The following ENPP1 variants were observed in gnomAD, a reference collection of about 807,000 sequenced individuals.
ENPP1 encodes the protein ectonucleotide pyrophosphatase/phosphodiesterase 1.
In ENPP1, 73 loss-of-function variants were observed where a neutral mutation model predicts 122.8. That is an observed-to-expected ratio of 0.59 (90% CI 0.49 to 0.72). The LOEUF is 0.72. ENPP1 is among the 30% of genes least tolerant of loss of function. The pLI is 0.00. For missense variants in ENPP1, 978 were observed against 1,128.1 expected (o/e 0.87, Z 1.91); for synonymous variants, 367 against 391.6 (o/e 0.94, Z 0.74).
chr6:131,822,442 T>A (rs1781494331), intron 1 of ENPP1, among the ~76,000 whole-genome samples: 1 of 152,156 alleles, frequency 6.6e-6, no homozygotes, highest in Admixed American at 6.5e-5. Context: ...TTTTGAGAGC[T>A]TACAATATTT....
At chr6:131,819,332 T>C (rs907770849) in intron 1 of ENPP1, among the ~76,000 whole-genome samples, 2 of 152,228 alleles carry the variant, frequency 1.3e-5, no homozygotes, top group African/African-American at 4.8e-5. Flanking sequence ...TAAAAATTAA[T>C]TCAAGAGCAC....
intron 1 of ENPP1, among the ~76,000 whole-genome samples, chr6:131,845,532 C>T (rs569157077): frequency 5.4e-5 from 8 of 149,412 alleles, no homozygotes; most frequent in African/African-American, 1.2e-4. Flanking sequence ...TCTGTGCTCA[C>T]TGCAACCTCC....
rs529129010 is a variant in ENPP1, at chr6:131,843,594, C to A, written c.241-4182C>A. Among the ~76,000 whole-genome samples the A allele has an allele frequency of 9.9e-5, 15 of 151,766 alleles. No individual in the cohort carries two copies. The South Asian group carries it at 3.1e-3, about 32-fold the overall frequency. ...CCCCTTTCAGCCATTCCACCCATGC[C>A]TTAATTCTCTTATCCCCTTTTGTAT... On this transcript the variant is annotated intron_variant, in intron 1 of 24. Coordinates refer to ENST00000647893, the MANE Select transcript of ENPP1 (RefSeq NM_006208.3).
At position 131,808,033 on chromosome 6, in the gene ENPP1, A is replaced by G; in HGVS notation, c.-3A>G. The G allele has an allele frequency of 3.2e-6, 3 of 948,474 alleles. No individual in the cohort carries two copies. The highest frequency in any genetic ancestry group is 3.7e-6 in the Non-Finnish European group (3 of 810,842). The allele number at this position is 948,474 out of a possible 1,614,324, so 58.8% of individuals were successfully genotyped here. A position where few individuals can be genotyped will look rare whatever the true frequency, so the allele number is the denominator to read the frequency against. Reference sequence around the variant, plus strand: ...CAGCGGGGCCGGAGCGGCCGGGGCCACGATGGAGCGCGACGGCTGCGCGGG... The same window carrying G: ...CAGCGGGGCCGGAGCGGCCGGGGCCGCGATGGAGCGCGACGGCTGCGCGGG... On this transcript the variant is annotated 5_prime_UTR_variant, in exon 1 of 25. Coordinates refer to ENST00000647893, the MANE Select transcript of ENPP1 (RefSeq NM_006208.3).
chr6:131,857,631 C>T (rs1012721023), intron 6 of ENPP1, among the ~76,000 whole-genome samples: 18 of 151,442 alleles, frequency 1.2e-4, no homozygotes, highest in Non-Finnish European at 2.4e-4. Context: ...AGGGGAATAT[C>T]ACACTCTGGG....
chr6:131,831,889 G>C (rs909539971), intron 1 of ENPP1, among the ~76,000 whole-genome samples: 1 of 152,122 alleles, frequency 6.6e-6, no homozygotes, highest in African/African-American at 2.4e-5. Context: ...CTTGATGGTG[G>C]AGTATCTGCA....
At chr6:131,829,537 C>T (rs1021007326) in intron 1 of ENPP1, among the ~76,000 whole-genome samples, 8 of 152,158 alleles carry the variant, frequency 5.3e-5, no homozygotes, top group Non-Finnish European at 1.0e-4. Context: ...TCCATCCATC[C>T]ATGTATTTAT....
At chr6:131,863,349 T>A (rs1782046697) in intron 9 of ENPP1, among the ~76,000 whole-genome samples, 1 of 152,192 alleles carries the variant, frequency 6.6e-6, no homozygotes, top group African/African-American at 2.4e-5. Context: ...ATACAAAAAC[T>A]TTTTAATGGA....
At chr6:131,879,313 G>T (rs996319916) in intron 19 of ENPP1, among the ~76,000 whole-genome samples, 1 of 152,148 alleles carries the variant, frequency 6.6e-6, no homozygotes, top group Non-Finnish European at 1.5e-5. Context: ...TATGTTCATG[G>T]AAATAGTATT....
intron 6 of ENPP1, 35 bp from the exon 7 acceptor site, chr6:131,858,633 T>C (rs1392605553): frequency 7.4e-7 from 1 of 1,352,876 alleles, no homozygotes; most frequent in South Asian, 1.2e-5. Context: ...TTGTCAGATG[T>C]ATTTAATAAC....
chr6:131,836,100 A>T (rs1482010633), intron 1 of ENPP1, among the ~76,000 whole-genome samples: 1 of 151,330 alleles, frequency 6.6e-6, no homozygotes, highest in Non-Finnish European at 1.5e-5. Flanking sequence ...AGATCCCCAA[A>T]AAGAGTGTGT....
rs557488084 is a variant in ENPP1, at chr6:131,890,728, A to G, written c.*217A>G. ...ACATATTTGAATGTGTAAGCATTGTATACATTGATCAAGTTCGGGGGAATA... is the reference window on the plus strand; with the variant it reads ...ACATATTTGAATGTGTAAGCATTGTGTACATTGATCAAGTTCGGGGGAATA... On this transcript the variant is annotated 3_prime_UTR_variant, in exon 25 of 25. Transcript: ENST00000647893. 13 of 575,704 alleles carry G rather than the reference A, an allele frequency of 2.3e-5. No homozygotes were observed. The highest frequency in any genetic ancestry group is 1.2e-4 in the East Asian group (4 of 33,966). The allele number at this position is 575,704 out of a possible 1,614,324, so 35.7% of individuals were successfully genotyped here. A position where few individuals can be genotyped will look rare whatever the true frequency, so the allele number is the denominator to read the frequency against.
In ENPP1 at chr6:131,878,579, T is replaced by C; in HGVS notation, c.1931T>C (p.Leu644Pro). 6.2e-7 allele frequency: 1 copy of C among 1,612,930 alleles called. No individual in the cohort carries two copies. The highest frequency in any genetic ancestry group is 8.5e-7 in the Non-Finnish European group (1 of 1,179,024). Residue 644 changes from leucine to proline, a missense_variant, in exon 19 of 25, where the codon CTG (leucine) becomes CCG (proline). Leu to Pro is a moderately conservative substitution (Grantham distance 98). Coordinates refer to ENST00000647893, the MANE Select transcript of ENPP1 (RefSeq NM_006208.3). ...GAGGATTTTCAAACACAGTTCAATC[T>C]GACTGTGGCAGAAGGTAAGGCATGC... ...PIEDFQTQFN[L>P]TVAEEKIIKH...
intron 1 of ENPP1, among the ~76,000 whole-genome samples, chr6:131,814,807 G>A (rs180920823): frequency 4.6e-4 from 70 of 152,246 alleles, no homozygotes; most frequent in African/African-American, 1.6e-3. Flanking sequence ...TATGGTATTT[G>A]TTTCACATGT....
At position 131,861,551 on chromosome 6, in the gene ENPP1, A is replaced by C. The variant is rs187400637; in HGVS notation, c.916-44A>C. On this transcript the variant is annotated intron_variant, in intron 8 of 24. Transcript: ENST00000647893. ...TGAATACATACTTTCCTAAGAGATGAATGTTTGCATGATTTCTTAATTTTC... is the reference window on the plus strand; with the variant it reads ...TGAATACATACTTTCCTAAGAGATGCATGTTTGCATGATTTCTTAATTTTC... 1.4e-5 allele frequency: 17 copies of C among 1,200,464 alleles called. No individual in the cohort carries two copies. The East Asian group carries it at 4.0e-4, about 28-fold the overall frequency. 74.4% of individuals were successfully genotyped at this position (1,200,464 alleles called of 1,614,324 possible).
chr6:131,817,328 A>G (rs752898630), intron 1 of ENPP1, among the ~76,000 whole-genome samples: 10 of 152,148 alleles, frequency 6.6e-5, no homozygotes, highest in Non-Finnish European at 1.5e-4. Context: ...TTAGAACCTA[A>G]GAAATTTCTG....
intron 20 of ENPP1, among the ~76,000 whole-genome samples, chr6:131,880,751 G>T (rs1050094339): frequency 2.6e-5 from 4 of 151,446 alleles, no homozygotes; most frequent in Admixed American, 6.6e-5. Flanking sequence ...ATCTAAGGGG[G>T]CCCTCACTGT....
chr6:131,884,167 G>T (rs1440761698), intron 22 of ENPP1, among the ~76,000 whole-genome samples: 1 of 151,962 alleles, frequency 6.6e-6, no homozygotes, highest in African/African-American at 2.4e-5. Flanking sequence ...GACTTTTACA[G>T]GAATAAAAAT....
chr6:131,838,948 C>T (rs977571838), intron 1 of ENPP1, among the ~76,000 whole-genome samples: 3 of 152,180 alleles, frequency 2.0e-5, no homozygotes, highest in South Asian at 2.1e-4. Context: ...ATTCTCTAGC[C>T]CATGAAGAGA....
Sources: allele counts gnomAD v4.1 joint callset (sites outside exome capture counted in the v4.1 genomes callset), GRCh38; gene constraint gnomAD v4.1.1; transcripts MANE v1.5; gene names NCBI Gene and HGNC (gene_info 2026-07-23, HGNC 2026-07-21).